The following TRPC5OS variants were observed in gnomAD, a reference collection of about 807,000 sequenced individuals.
TRPC5OS encodes the protein putative uncharacterized protein TRPC5OS.
For synonymous variants in TRPC5OS, 30 were observed against 29.3 expected (o/e 1.02, Z -0.08); for missense variants, 64 against 79.3 (o/e 0.81, Z 0.73).
intron 1 of TRPC5OS, among the ~76,000 whole-genome samples, chrX:111,892,297 G>A (rs1924843038): frequency 8.9e-6 from 1 of 112,339 alleles, no homozygotes; most frequent in South Asian, 3.7e-4. Flanking sequence ...TTGAAACTTT[G>A]GGTTGGTTTG....
At chrX:111,881,319 G>A in intron 1 of TRPC5OS, among the ~76,000 whole-genome samples, 1 of 110,434 alleles carries the variant, frequency 9.1e-6, no homozygotes, top group Non-Finnish European at 1.9e-5. Flanking sequence ...TGGGACTACA[G>A]GCACGCGCCA....
chrX:111,899,317 CT>C (rs1925225938), intron 3 of TRPC5OS, among the ~76,000 whole-genome samples: 1 of 111,244 alleles, frequency 9.0e-6, no homozygotes, highest in South Asian at 3.8e-4. Context: ...TTCTACCTCT[CT>C]GCTTTTTATG....
At chrX:111,881,555 C>T (rs1273455813) in intron 1 of TRPC5OS, among the ~76,000 whole-genome samples, 1 of 111,438 alleles carries the variant, frequency 9.0e-6, no homozygotes, top group Non-Finnish European at 1.9e-5. Flanking sequence ...TTCTGATTGG[C>T]AGAAATAAAA....
At chrX:111,884,407 G>A (rs752124251) in intron 1 of TRPC5OS, among the ~76,000 whole-genome samples, 5 of 112,198 alleles carry the variant, frequency 4.5e-5, no homozygotes, top group African/African-American at 6.5e-5. Flanking sequence ...GTATACCCAG[G>A]GCCCAAGCCT....
chrX:111,901,787 C>T lies in TRPC5OS; in HGVS notation c.-63C>T. The stretch of plus-strand genomic sequence containing the variant: ...GTTAGCCCCTTATACTATCCATTGT[C>T]ACCAAGAGTCCATTTGCTAGAGCTT... On this transcript the variant is annotated 5_prime_UTR_variant, in exon 4 of 4. Coordinates refer to ENST00000635763, the MANE Select transcript of TRPC5OS (RefSeq NM_001195578.2). The T allele has an allele frequency of 2.1e-6, 2 of 931,760 alleles. No homozygotes were observed. Among genetic ancestry groups the T allele is most frequent in the Non-Finnish European group, 2.9e-6 (2 of 700,597 alleles). The allele number at this position is 931,760 out of a possible 1,213,427, so 76.8% of individuals were successfully genotyped here.
rs1257360014 is a variant in TRPC5OS at position 111,888,707 on chromosome X, A to AT, written c.-545-7244_-545-7243insT. ...AGACTCTATCTCAAAAAAAAAAAAA[A>AT]AAAAAAAAAAAAGAAAGAAAAGAAA... is the stretch of plus-strand genomic sequence containing the variant. On this transcript the variant is annotated intron_variant, in intron 1 of 3. Coordinates refer to ENST00000635763, the MANE Select transcript of TRPC5OS (RefSeq NM_001195578.2). Among the ~76,000 whole-genome samples the AT allele has an allele frequency of 2.9e-3, 303 of 104,245 alleles. 4 individuals are homozygous for AT. Among genetic ancestry groups the AT allele is most frequent in the African/African-American group, 0.011 (299 of 28,356 alleles). 90.5% of individuals were successfully genotyped at this position (104,245 alleles called of 115,157 possible). A position where few individuals can be genotyped will look rare whatever the true frequency, so the allele number is the denominator to read the frequency against.
chrX:111,900,605 C>T (rs918488454), intron 3 of TRPC5OS, among the ~76,000 whole-genome samples: 2 of 111,452 alleles, frequency 1.8e-5, no homozygotes, highest in African/African-American at 6.5e-5. Flanking sequence ...AATGTAGACC[C>T]TGAAGCTTCG....
At chrX:111,894,437 G>A (rs10521537) in intron 1 of TRPC5OS, among the ~76,000 whole-genome samples, 7,342 of 111,782 alleles carry the variant, frequency 0.066, 266 homozygotes, top group African/African-American at 0.14. Flanking sequence ...TCAGTTACCA[G>A]ATGGATAGTA....
intron 1 of TRPC5OS, among the ~76,000 whole-genome samples, chrX:111,885,557 T>TTA (rs1569527361): frequency 1.9e-5 from 2 of 106,190 alleles, no homozygotes; most frequent in African/African-American, 6.8e-5. Flanking sequence ...TTTTTTTTTT[T>TTA]AAAAAAAGAA....
intron 1 of TRPC5OS, among the ~76,000 whole-genome samples, chrX:111,885,359 G>A (rs7883774): frequency 0.23 from 26,080 of 111,013 alleles, 7,335 homozygotes; most frequent in African/African-American, 0.8. Flanking sequence ...AATCTAGTTA[G>A]GACCTAGTCA....
At chrX:111,889,704 A>AT (rs776189733) in intron 1 of TRPC5OS, among the ~76,000 whole-genome samples, 5 of 111,218 alleles carry the variant, frequency 4.5e-5, no homozygotes, top group East Asian at 2.8e-4. Context: ...AGGGTAAAGC[A>AT]TTTTTTTTAG....
chrX:111,888,877 A>G (rs956509349), intron 1 of TRPC5OS, among the ~76,000 whole-genome samples: 3 of 111,091 alleles, frequency 2.7e-5, no homozygotes, highest in Non-Finnish European at 5.7e-5. Flanking sequence ...GGCAGAGCCA[A>G]CAGGATATCC....
At chrX:111,881,145 T>TATTTTATTTTATTTTATTTTA (rs201802293) in intron 1 of TRPC5OS, among the ~76,000 whole-genome samples, 53 of 95,038 alleles carry the variant, frequency 5.6e-4, no homozygotes, top group African/African-American at 3.0e-3. Context: ...GATTTTCTTT[T>TATTTTATTTTATTTTATTTTA]GTTTATTTTA....
Position 111,901,761 on chromosome X carries a change from T to C in TRPC5OS, c.-89T>C. ...TGGCCTAAACCAACCACAGAACCAT[T>C]GTTAGCCCCTTATACTATCCATTGT... On this transcript the variant is annotated 5_prime_UTR_variant, in exon 4 of 4. Coordinates refer to ENST00000635763, the MANE Select transcript of TRPC5OS (RefSeq NM_001195578.2). The C allele has an allele frequency of 6.9e-6, 5 of 725,367 alleles. No homozygotes were observed. Among genetic ancestry groups the C allele is most frequent in the Non-Finnish European group, 9.6e-6 (5 of 521,470 alleles). The allele number at this position is 725,367 out of a possible 1,213,427, so 59.8% of individuals were successfully genotyped here. A position where few individuals can be genotyped will look rare whatever the true frequency, so the allele number is the denominator to read the frequency against.
chrX:111,894,013 T>C (rs1037688469), intron 1 of TRPC5OS, among the ~76,000 whole-genome samples: 1 of 111,731 alleles, frequency 9.0e-6, no homozygotes, highest in Non-Finnish European at 1.9e-5. Context: ...GTAGGTGTTT[T>C]TTAAAACAAG....
chrX:111,889,452 G>A (rs1271592001), intron 1 of TRPC5OS, among the ~76,000 whole-genome samples: 4 of 112,389 alleles, frequency 3.6e-5, no homozygotes, highest in African/African-American at 1.3e-4. Flanking sequence ...AAGAAATCTT[G>A]TAAGAAATCC....
At chrX:111,893,079 G>GTT (rs79584045) in intron 1 of TRPC5OS, among the ~76,000 whole-genome samples, 5,823 of 88,075 alleles carry the variant, frequency 0.066, 234 homozygotes, top group African/African-American at 0.14. Context: ...CAAATATAGG[G>GTT]TTTTTTTTTT....
At chrX:111,890,369 A>G (rs756623543) in intron 1 of TRPC5OS, among the ~76,000 whole-genome samples, 1 of 111,718 alleles carries the variant, frequency 9.0e-6, no homozygotes, top group African/African-American at 3.2e-5. Flanking sequence ...GTGTTAGTGT[A>G]TTTTATTTGT....
At chrX:111,892,900 C>T (rs1322781136) in intron 1 of TRPC5OS, among the ~76,000 whole-genome samples, 1 of 111,576 alleles carries the variant, frequency 9.0e-6, no homozygotes, top group African/African-American at 3.3e-5. Flanking sequence ...GCAATTATAT[C>T]AGCTAGCATT....
Sources: allele counts gnomAD v4.1 joint callset (sites outside exome capture counted in the v4.1 genomes callset), GRCh38; gene constraint gnomAD v4.1.1; transcripts MANE v1.5; gene names NCBI Gene and HGNC (gene_info 2026-07-23, HGNC 2026-07-21).